CPEB3: variants seen among roughly 807,000 people sequenced by gnomAD.
The protein encoded by CPEB3 is cytoplasmic polyadenylation element-binding protein 3.
CPEB3 carries 20 observed loss-of-function variants against 67.2 expected under a neutral mutation model. That is an observed-to-expected ratio of 0.30 (90% CI 0.21 to 0.43). The LOEUF is 0.43. Among genes scored for constraint, CPEB3 ranks in the 20% least tolerant of loss-of-function variants. The probability of loss-of-function intolerance (pLI) is 1.00; values close to 1 mark genes in which losing one functional copy is unlikely to be tolerated. For missense variants in CPEB3, 746 were observed against 968.6 expected (o/e 0.77, Z 3.05); for synonymous variants, 376 against 393.1 (o/e 0.96, Z 0.51).
At chr10:92,246,195 A>G (rs1198622824) in intron 1 of CPEB3, among the ~76,000 whole-genome samples, 1 of 136,360 alleles carries the variant, frequency 7.3e-6, no homozygotes, top group Middle Eastern at 5.4e-3. Flanking sequence ...TTAGTCGGGC[A>G]TGGTGGCAGG....
At chr10:92,279,859 A>C (rs1842179749) in intron 1 of CPEB3, among the ~76,000 whole-genome samples, 1 of 152,126 alleles carries the variant, frequency 6.6e-6, no homozygotes, top group African/African-American at 2.4e-5. Context: ...AAAATACAAA[A>C]ATTAGCTGGG....
At chr10:92,137,523 C>A in intron 6 of CPEB3, 1 of 874,844 alleles carries the variant, frequency 1.1e-6, no homozygotes, top group Non-Finnish European at 1.9e-6. Context: ...TTGAGGTGAC[C>A]AAGAAGTTCA....
chr10:92,239,814 C>G lies in CPEB3; in HGVS notation c.537G>C (p.Ala179=). The G allele has an allele frequency of 6.9e-7, 1 of 1,443,228 alleles. No individual in the cohort carries two copies. Among genetic ancestry groups the G allele is most frequent in the South Asian group, 1.5e-5 (1 of 66,926 alleles). The allele number at this position is 1,443,228 out of a possible 1,614,324, so 89.4% of individuals were successfully genotyped here. The change falls in exon 2 of 10, where the codon GCG becomes GCC. Residue 179 remains alanine, a synonymous_variant. Coordinates refer to ENST00000265997, the MANE Select transcript of CPEB3 (RefSeq NM_014912.5). This position sits in a 1 kb window ranked among gnomAD's most constrained non-coding sequence, Gnocchi z 6.0. ...PAPAPQPAQP[A]QPPQAQPPQQ... Reference sequence around the variant, plus strand: ...GCGGGGGCTGCGCCTGTGGTGGCTGCGCTGGCTGTGCCGGCTGCGGCGCGG... The same window carrying G: ...GCGGGGGCTGCGCCTGTGGTGGCTGGGCTGGCTGTGCCGGCTGCGGCGCGG...
intron 2 of CPEB3, among the ~76,000 whole-genome samples, chr10:92,201,422 G>C (rs1849519337): frequency 6.6e-6 from 1 of 152,108 alleles, no homozygotes. Flanking sequence ...CAGCTACCTG[G>C]GAGGCTGAGG....
intron 6 of CPEB3, among the ~76,000 whole-genome samples, chr10:92,121,708 G>A (rs927913399): frequency 3.3e-5 from 5 of 151,720 alleles, no homozygotes. Flanking sequence ...GCTGTATCCT[G>A]AACCACTGCA....
At chr10:92,256,475 G>A (rs917471900) in intron 1 of CPEB3, among the ~76,000 whole-genome samples, 4 of 149,518 alleles carry the variant, frequency 2.7e-5, no homozygotes, top group East Asian at 2.0e-4. Context: ...TGCAACCTCC[G>A]CCTCCTGGGT....
intron 6 of CPEB3, among the ~76,000 whole-genome samples, chr10:92,135,781 A>C (rs910860832): frequency 6.6e-6 from 1 of 152,188 alleles, no homozygotes; most frequent in Admixed American, 6.5e-5. Flanking sequence ...TCAATGATAG[A>C]CTGGATTAAG....
chr10:92,065,469 C>G (rs888325488), intron 9 of CPEB3, among the ~76,000 whole-genome samples: 3 of 152,142 alleles, frequency 2.0e-5, no homozygotes, highest in African/African-American at 4.8e-5. Context: ...GATCTGCCCG[C>G]TTTGGCCTCC....
In CPEB3 at chr10:92,157,226, T is replaced by C. The variant is rs900693422; in HGVS notation, c.1223-12141A>G. ...GTTTTTTTAACTAGAACTTTACTAA[T>C]ACTCTGAAGTAGGACAAGACTGGTT... On this transcript the variant is annotated intron_variant, in intron 4 of 9. Coordinates refer to ENST00000265997, the MANE Select transcript of CPEB3 (RefSeq NM_014912.5). Among the ~76,000 whole-genome samples the C allele has an allele frequency of 6.6e-5, 10 of 152,362 alleles. No homozygotes were observed. In the East Asian group the frequency reaches 7.7e-4, roughly 12 times the overall value.
intron 6 of CPEB3, among the ~76,000 whole-genome samples, chr10:92,125,367 T>A (rs372278006): frequency 2.6e-5 from 4 of 152,174 alleles, no homozygotes; most frequent in African/African-American, 7.2e-5. Flanking sequence ...GCCAAACTCA[T>A]GTACAACATC....
rs1417819754 is a variant in CPEB3, at chr10:92,050,203, AAAAAAGCAATTATTACC to A, written c.*1992_*2008del. The A allele has an allele frequency of 6.6e-6, 1 of 152,562 alleles. No individual in the cohort carries two copies. The highest frequency in any genetic ancestry group is 1.5e-5 in the Non-Finnish European group (1 of 68,028). 9.5% of individuals were successfully genotyped at this position (152,562 alleles called of 1,614,324 possible). A position where few individuals can be genotyped will look rare whatever the true frequency, so the allele number is the denominator to read the frequency against. On this transcript the variant is annotated 3_prime_UTR_variant, in exon 10 of 10. Transcript: ENST00000265997. ...ACAAACAAAACCACACCTGGGCTGGAAAAAAGCAATTATTACCAAAAAGCCTCAAAAAGGGGAGGATT... is the reference window on the plus strand; with the variant it reads ...ACAAACAAAACCACACCTGGGCTGGAAAAAAGCCTCAAAAAGGGGAGGATT...
chr10:92,217,977 G>A (rs148877446), intron 2 of CPEB3, among the ~76,000 whole-genome samples: 541 of 152,192 alleles, frequency 3.6e-3, no homozygotes, highest in African/African-American at 0.012. Flanking sequence ...GGGCATGATG[G>A]TCCACACCTG....
chr10:92,263,196 C>T (rs1317724383), intron 1 of CPEB3, among the ~76,000 whole-genome samples: 1 of 152,186 alleles, frequency 6.6e-6, no homozygotes, highest in Non-Finnish European at 1.5e-5. Context: ...ACGCCTCAGC[C>T]CCAGGAGTAG....
In CPEB3 at chr10:92,278,007, A is replaced by AC. The variant is rs1365675734; in HGVS notation, c.-12+12918dup. On this transcript the variant is annotated intron_variant, in intron 1 of 9. Transcript: ENST00000265997. The stretch of plus-strand genomic sequence containing the variant: ...AGACCAGCCTGGCCAAGATGGTGAA[A>AC]CCCCATCTCTACTAAAAATACAAAA... Among the ~76,000 whole-genome samples, 8 of 151,262 alleles carry AC rather than the reference A, an allele frequency of 5.3e-5. 1 individual carries two copies. The highest frequency in any genetic ancestry group is 4.0e-4 in the Admixed American group (6 of 15,138).
chr10:92,253,349 A>C (rs2134809649), intron 1 of CPEB3, among the ~76,000 whole-genome samples: 1 of 151,158 alleles, frequency 6.6e-6, no homozygotes, highest in South Asian at 2.1e-4. Flanking sequence ...TGTCCCAGCT[A>C]CTCGGGAGGC....
At chr10:92,192,364 G>A in intron 3 of CPEB3, 113 bp downstream of exon 3, 1 of 1,050,194 alleles carries the variant, frequency 9.5e-7, no homozygotes. Context: ...ATGCTTTACA[G>A]AAGCAAAACA....
intron 9 of CPEB3, among the ~76,000 whole-genome samples, chr10:92,063,958 G>A (rs1334956945): frequency 2.6e-5 from 4 of 151,932 alleles, no homozygotes; most frequent in East Asian, 1.9e-4. Flanking sequence ...AAAATTGGCA[G>A]CACACAGCCA....
At chr10:92,174,484 T>C (rs142737542) in intron 4 of CPEB3, among the ~76,000 whole-genome samples, 260 of 152,348 alleles carry the variant, frequency 1.7e-3, no homozygotes, top group Non-Finnish European at 3.0e-3. Context: ...TATGTATACA[T>C]TGTTTAACAA....
chr10:92,076,310 T>A (rs1842931323), intron 9 of CPEB3: 1 of 152,172 alleles, frequency 6.6e-6, no homozygotes, highest in Admixed American at 6.5e-5. Context: ...AGACTGAAGT[T>A]CTCTATAGAG....
Sources: gnomAD v4.1 joint callset for allele counts (sites outside exome capture counted in the v4.1 genomes callset) on GRCh38, gnomAD v4.1.1 for gene constraint, Gnocchi (gnomAD v3.1) non-coding constraint, MANE v1.5 for transcripts, NCBI Gene and HGNC (gene_info 2026-07-23, HGNC 2026-07-21) for gene names.